CCDC178: variants seen among roughly 807,000 people sequenced by gnomAD.
CCDC178 encodes the protein coiled-coil domain-containing protein 178.
Under a neutral mutation model 117.4 loss-of-function variants are expected in CCDC178, and 126 were observed. The ratio of observed to expected loss-of-function variants is 1.07; its 90% CI spans 0.93 to 1.24. The LOEUF (loss-of-function observed/expected upper bound fraction) is 1.24. Among genes scored for constraint, CCDC178 ranks in the 50% most tolerant of loss-of-function variants. The pLI, the probability that CCDC178 is intolerant of heterozygous loss-of-function variation, is 0.00. For missense variants in CCDC178, 1,030 were observed against 986.9 expected, an observed-to-expected ratio of 1.04 and a Z score of -0.59; for synonymous variants, 283 against 313.4, an observed-to-expected ratio of 0.90 and a Z score of 1.02.
intron 20 of CCDC178, among the ~76,000 whole-genome samples, chr18:33,187,115 G>GAGAGAGCA (rs2058805108): frequency 7.5e-6 from 1 of 133,426 alleles, no homozygotes; most frequent in South Asian, 2.3e-4. Flanking sequence ...GAGAGAGAGA[G>GAGAGAGCA]ACTGAGAGAG....
chr18:33,119,190 G>A (rs1044485358), intron 20 of CCDC178, among the ~76,000 whole-genome samples: 1 of 152,088 alleles, frequency 6.6e-6, no homozygotes, highest in African/African-American at 2.4e-5. Context: ...TGACAAATGG[G>A]ATCTAATTAA....
chr18:33,234,576 T>G (rs2059406396), intron 15 of CCDC178, among the ~76,000 whole-genome samples: 1 of 151,902 alleles, frequency 6.6e-6, no homozygotes, highest in Admixed American at 6.6e-5. Flanking sequence ...TAATTATTAA[T>G]TAAAAAGAAA....
In CCDC178 at chr18:33,226,796, A is replaced by G; in HGVS notation, c.1653T>C (p.Leu551=). ...ATTAAAACCAAATCAGTATTACCTG[A>G]AGCACCATTCCAGCAGCCACTTCAC... ...TQGEVAAGMV[L]QKKLYSIYEV... The change falls in exon 16 of 23, where the codon CTT becomes CTC. Residue 551 remains leucine, a synonymous_variant. Transcript: ENST00000383096. 6.3e-7 allele frequency: 1 copy of G among 1,578,108 alleles called. No individual in the cohort carries two copies. Among genetic ancestry groups the G allele is most frequent in the Non-Finnish European group, 8.6e-7 (1 of 1,157,604 alleles).
At chr18:33,292,629 A>G (rs1444905660) in intron 12 of CCDC178, among the ~76,000 whole-genome samples, 1 of 151,986 alleles carries the variant, frequency 6.6e-6, no homozygotes, top group African/African-American at 2.4e-5. Flanking sequence ...TGTTACCCTA[A>G]TTTGATCATT....
At chr18:33,440,287 G>A (rs540890536) in intron 1 of CCDC178, among the ~76,000 whole-genome samples, 138 of 87,806 alleles carry the variant, frequency 1.6e-3, no homozygotes, top group African/African-American at 5.3e-3. Context: ...CCCGGCAGTG[G>A]GGACTGGGGG....
chr18:33,401,921 A>C (rs1456132778), intron 3 of CCDC178, among the ~76,000 whole-genome samples: 3 of 152,180 alleles, frequency 2.0e-5, no homozygotes, highest in Admixed American at 6.5e-5. Flanking sequence ...TTTGGTAATA[A>C]AAATGTAAAG....
chr18:33,256,642 T>C (rs986414657), intron 14 of CCDC178, among the ~76,000 whole-genome samples: 11 of 152,094 alleles, frequency 7.2e-5, no homozygotes, highest in African/African-American at 2.7e-4. Context: ...TCTGCCATTA[T>C]CTTTTTGAAT....
rs368888946 is a variant in CCDC178, at chr18:32,974,520, C to G, written c.2523+27G>C. The G allele has an allele frequency of 3.0e-5, 48 of 1,608,228 alleles. No individual in the cohort carries two copies. In the African/African-American group the frequency reaches 5.9e-4, roughly 20 times the overall value. On this transcript the variant is annotated intron_variant, in intron 22 of 22. Coordinates refer to ENST00000383096, the MANE Select transcript of CCDC178 (RefSeq NM_001105528.4). ...GCTTTTCAATCTAGATCAGAATGAT[C>G]TTTCCTACTTCCCTGCAATCACCTA...
intron 6 of CCDC178, among the ~76,000 whole-genome samples, chr18:33,360,908 T>C (rs1302602958): frequency 6.6e-6 from 1 of 151,680 alleles, no homozygotes; most frequent in Non-Finnish European, 1.5e-5. Context: ...GCTAAAATAA[T>C]CCTAGTACTC....
intron 8 of CCDC178, among the ~76,000 whole-genome samples, chr18:33,347,563 T>G (rs1452636081): frequency 6.6e-6 from 1 of 152,150 alleles, no homozygotes; most frequent in Non-Finnish European, 1.5e-5. Flanking sequence ...CTACCACATC[T>G]TGGATACTTT....
chr18:33,389,565 A>G lies in CCDC178; in HGVS notation c.183T>C (p.His61=). The change falls in exon 5 of 23, where the codon CAT becomes CAC. Residue 61 remains histidine (H), a synonymous_variant. Coordinates refer to ENST00000383096, the MANE Select transcript of CCDC178 (RefSeq NM_001105528.4). ...GASKENSEGF[H]ESKMTNTEGV... is the part of the protein sequence containing the mutation. ...CTTCAGTATTTGTCATTTTACTTTC[A>G]TGAAAACCTTCACTGTTCTCCTTAG... The G allele has an allele frequency of 6.6e-7, 1 of 1,522,698 alleles. No individual in the cohort carries two copies. Among genetic ancestry groups the G allele is most frequent in the Non-Finnish European group, 8.8e-7 (1 of 1,135,820 alleles). The allele number at this position is 1,522,698 out of a possible 1,614,324, so 94.3% of individuals were successfully genotyped here.
At chr18:33,380,621 G>A (rs1296274062) in intron 5 of CCDC178, among the ~76,000 whole-genome samples, 1 of 152,158 alleles carries the variant, frequency 6.6e-6, no homozygotes, top group East Asian at 1.9e-4. Context: ...TGACTCTCCT[G>A]TGTACTGGAG....
chr18:33,209,654 CA>C (rs2144582996), intron 20 of CCDC178, among the ~76,000 whole-genome samples: 1 of 152,120 alleles, frequency 6.6e-6, no homozygotes, highest in Non-Finnish European at 1.5e-5. Flanking sequence ...TGATCATAAT[CA>C]TAAATAAATA....
intron 20 of CCDC178, among the ~76,000 whole-genome samples, chr18:33,179,811 C>T (rs2058714265): frequency 6.6e-6 from 1 of 151,972 alleles, no homozygotes; most frequent in African/African-American, 2.4e-5. Context: ...TTTTCTGGAC[C>T]TCTAACTTCA....
chr18:33,036,465 T>C (rs1319545234), intron 21 of CCDC178, among the ~76,000 whole-genome samples: 1 of 151,784 alleles, frequency 6.6e-6, no homozygotes, highest in Admixed American at 6.6e-5. Flanking sequence ...CCAAACTCCA[T>C]GGGAATATGA....
intron 20 of CCDC178, among the ~76,000 whole-genome samples, chr18:33,171,359 G>A (rs1481295414): frequency 6.6e-6 from 1 of 152,184 alleles, no homozygotes; most frequent in African/African-American, 2.4e-5. Flanking sequence ...TGGTCCTAAA[G>A]TAGGTATTGT....
intron 21 of CCDC178, among the ~76,000 whole-genome samples, chr18:33,039,004 C>T (rs1033325014): frequency 3.3e-5 from 5 of 151,934 alleles, no homozygotes; most frequent in African/African-American, 1.2e-4. Flanking sequence ...TTTTAAACTA[C>T]AATTTACAAA....
chr18:32,998,945 G>A (rs1055525168), intron 21 of CCDC178, among the ~76,000 whole-genome samples: 1 of 151,854 alleles, frequency 6.6e-6, no homozygotes, highest in African/African-American at 2.4e-5. Context: ...TTCTGCTTGA[G>A]AAAAGGAGAG....
intron 12 of CCDC178, among the ~76,000 whole-genome samples, chr18:33,280,150 T>A (rs1008445824): frequency 1.3e-5 from 2 of 151,436 alleles, no homozygotes; most frequent in Middle Eastern, 3.2e-3. Context: ...GAAACTACCA[T>A]CAGAGTGCAC....
Sources: allele counts gnomAD v4.1 joint callset (sites outside exome capture counted in the v4.1 genomes callset), GRCh38; gene constraint gnomAD v4.1.1; transcripts MANE v1.5; gene names NCBI Gene and HGNC (gene_info 2026-07-23, HGNC 2026-07-21).